MAJIN: variants seen among roughly 807,000 people sequenced by gnomAD.
The protein encoded by MAJIN is membrane-anchored junction protein.
In MAJIN, 27 loss-of-function variants were observed where a neutral mutation model predicts 30.2. That is an observed-to-expected ratio of 0.89 (90% CI 0.66 to 1.23). The LOEUF (loss-of-function observed/expected upper bound fraction) is 1.23, where lower values mean the gene tolerates loss of function less well. Ranked by LOEUF, MAJIN falls within the 50% of genes most tolerant of loss-of-function variation. The probability of loss-of-function intolerance (pLI) is 0.00; values close to 1 mark genes in which losing one functional copy is unlikely to be tolerated. For synonymous variants in MAJIN, 78 were observed against 91.6 expected, an observed-to-expected ratio of 0.85 and a Z score of 0.85; for missense variants, 253 against 260.3, an observed-to-expected ratio of 0.97 and a Z score of 0.19.
intron 6 of MAJIN, among the ~76,000 whole-genome samples, chr11:64,948,696 G>A (rs1256528854): frequency 2.8e-5 from 3 of 108,708 alleles, no homozygotes; most frequent in Admixed American, 1.2e-4. Flanking sequence ...TTGCTCTGCC[G>A]CCCAGGCTGG....
intron 10 of MAJIN, 41 bp from the exon 11 acceptor site, chr11:64,938,614 T>C (rs1945324160): frequency 6.6e-7 from 1 of 1,523,808 alleles, no homozygotes; most frequent in Non-Finnish European, 8.8e-7. Context: ...CTCTATGAGG[T>C]CTCCTTCCCT....
At position 64,954,576 on chromosome 11, in the gene MAJIN, G is replaced by T. The variant is rs547931327; in HGVS notation, c.147+181C>A. On this transcript the variant is annotated intron_variant, in intron 4 of 10. Transcript: ENST00000301896. ...CATTTCAACTAGGAAAACTGAGAAA[G>T]AATACAGGCTTTAAATTCCCATGGA... 1.1e-5 allele frequency: 8 copies of T among 715,162 alleles called. No individual in the cohort carries two copies. In the Admixed American group the frequency reaches 1.6e-4, roughly 14 times the overall value. The allele number at this position is 715,162 out of a possible 1,614,324, so 44.3% of individuals were successfully genotyped here. A position where few individuals can be genotyped will look rare whatever the true frequency, so the allele number is the denominator to read the frequency against.
Position 64,968,448 on chromosome 11 carries a change from G to C in MAJIN, c.-65+3429C>G, listed in dbSNP as rs183529457. On this transcript the variant is annotated intron_variant, in intron 1 of 10. Coordinates refer to ENST00000301896, the MANE Select transcript of MAJIN (RefSeq NM_001037225.3). Reference sequence around the variant, plus strand: ...ACTATACCCAGCTAATTTTTGCAGAGATGGGGTTTCACTATGTTGCCCATG... The same window carrying C: ...ACTATACCCAGCTAATTTTTGCAGACATGGGGTTTCACTATGTTGCCCATG... Among the ~76,000 whole-genome samples, 8 of 151,888 alleles carry C rather than the reference G, an allele frequency of 5.3e-5. No individual in the cohort carries two copies. The East Asian group carries it at 1.4e-3, about 26-fold the overall frequency.
chr11:64,940,835 C>CTTTTTTTTT lies in MAJIN; in HGVS notation c.474-198_474-190dup, dbSNP rs1168979344. 2.0e-3 allele frequency among the ~76,000 whole-genome samples: 175 copies of CTTTTTTTTT among 88,564 alleles called. 2 individuals are homozygous for CTTTTTTTTT. Among genetic ancestry groups the CTTTTTTTTT allele is most frequent in the Non-Finnish European group, 2.3e-3 (116 of 49,836 alleles). The allele number at this position is 88,564 out of a possible 152,430, so 58.1% of individuals were successfully genotyped here. On this transcript the variant is annotated intron_variant, in intron 8 of 10. Transcript: ENST00000301896. The stretch of plus-strand genomic sequence containing the variant: ...CCTTTTTTCTTTTCTTTTTTTCTTT[C>CTTTTTTTTT]TTTTTTTTTTTTTTTTTTTTTGAGA...
At chr11:64,947,340 C>T (rs560266308) in intron 8 of MAJIN, 34 bp downstream of exon 8, 56 of 1,565,230 alleles carry the variant, frequency 3.6e-5, no homozygotes, top group East Asian at 9.0e-5. Flanking sequence ...CTAACTAGGA[C>T]GCAGGAGCGA....
chr11:64,948,161 G>A, intron 6 of MAJIN, among the ~76,000 whole-genome samples: 1 of 151,892 alleles, frequency 6.6e-6, no homozygotes, highest in Non-Finnish European at 1.5e-5. Context: ...TGTTTTACCT[G>A]GACTTCTGGC....
intron 1 of MAJIN, among the ~76,000 whole-genome samples, chr11:64,964,088 C>A (rs866994207): frequency 6.6e-6 from 1 of 152,096 alleles, no homozygotes; most frequent in African/African-American, 2.4e-5. Context: ...GGATTACAGG[C>A]ATGCACCATC....
intron 1 of MAJIN, among the ~76,000 whole-genome samples, chr11:64,960,676 T>C (rs1219870038): frequency 6.6e-6 from 1 of 152,212 alleles, no homozygotes; most frequent in Non-Finnish European, 1.5e-5. Context: ...CATAAAGGAC[T>C]ATTTTCATTA....
chr11:64,970,527 C>A (rs374558645), intron 1 of MAJIN, among the ~76,000 whole-genome samples: 1 of 150,846 alleles, frequency 6.6e-6, no homozygotes, highest in Non-Finnish European at 1.5e-5. Flanking sequence ...CCACCACACC[C>A]GGCTGATCTT....
intron 8 of MAJIN, among the ~76,000 whole-genome samples, chr11:64,943,185 C>T (rs1565121239): frequency 6.6e-6 from 1 of 152,150 alleles, no homozygotes; most frequent in Admixed American, 6.5e-5. Context: ...AAGTGCAGTT[C>T]GAACAGATAT....
chr11:64,966,796 T>C (rs948506951), intron 1 of MAJIN, among the ~76,000 whole-genome samples: 1 of 151,614 alleles, frequency 6.6e-6, no homozygotes. Flanking sequence ...TAGCTGGGCA[T>C]GGTGGCAGGT....
intron 5 of MAJIN, 54 bp from the exon 6 acceptor site, chr11:64,949,922 C>T (rs1489827201): frequency 7.0e-6 from 11 of 1,579,978 alleles, no homozygotes; most frequent in South Asian, 1.1e-5. Flanking sequence ...TTCCTAAGTA[C>T]TATTTTAGGG....
chr11:64,946,877 C>T (rs1013568219), intron 8 of MAJIN, among the ~76,000 whole-genome samples: 4 of 152,174 alleles, frequency 2.6e-5, no homozygotes, highest in African/African-American at 9.7e-5. Flanking sequence ...CCCCTAATAT[C>T]ACAGCACCCC....
chr11:64,950,510 T>A, intron 4 of MAJIN, 80 bp from the exon 5 acceptor site: 1 of 1,197,230 alleles, frequency 8.4e-7, no homozygotes, highest in Non-Finnish European at 1.2e-6. Flanking sequence ...GCTACTCACA[T>A]ACCCTATACA....
chr11:64,970,761 T>C (rs1350490198), intron 1 of MAJIN, among the ~76,000 whole-genome samples: 1 of 152,178 alleles, frequency 6.6e-6, no homozygotes, highest in African/African-American at 2.4e-5. Flanking sequence ...CTTGCCCAGA[T>C]GCCAAGATTC....
intron 6 of MAJIN, among the ~76,000 whole-genome samples, chr11:64,949,129 A>G (rs1052882686): frequency 2.0e-5 from 3 of 149,876 alleles, no homozygotes; most frequent in African/African-American, 4.9e-5. Context: ...TTGAGACCCA[A>G]CGGTGCAATA....
chr11:64,963,779 C>T (rs962219695), intron 1 of MAJIN, among the ~76,000 whole-genome samples: 3 of 152,036 alleles, frequency 2.0e-5, no homozygotes, highest in Non-Finnish European at 4.4e-5. Flanking sequence ...GTGGAGGCTG[C>T]GATGAACCAA....
rs778520972 is a variant in MAJIN at position 64,940,523 on chromosome 11, G to T, written c.546+51C>A. The T allele has an allele frequency of 1.5e-5, 24 of 1,560,188 alleles. No homozygotes were observed. The African/African-American group carries it at 3.0e-4, about 19-fold the overall frequency. On this transcript the variant is annotated intron_variant, in intron 9 of 10. Transcript: ENST00000301896. Reference sequence around the variant, plus strand: ...TGCTCTACATATCAGAGAACTACAAGGGAAAGGGTGATTATTAAAGGAGAA... The same window carrying T: ...TGCTCTACATATCAGAGAACTACAATGGAAAGGGTGATTATTAAAGGAGAA...
chr11:64,949,917 A>G (rs1945523456), intron 5 of MAJIN, 49 bp from the exon 6 acceptor site: 2 of 1,589,436 alleles, frequency 1.3e-6, no homozygotes, highest in East Asian at 2.2e-5. Flanking sequence ...ATGCATTCCT[A>G]AGTACTATTT....
Sources: gnomAD v4.1 joint callset for allele counts (sites outside exome capture counted in the v4.1 genomes callset) on GRCh38, gnomAD v4.1.1 for gene constraint, MANE v1.5 for transcripts, NCBI Gene and HGNC (gene_info 2026-07-23, HGNC 2026-07-21) for gene names.